Variants in CNTN4 observed in about 807,000 individuals in gnomAD.
The protein encoded by CNTN4 is contactin-4.
Under a neutral mutation model 122.5 loss-of-function variants are expected in CNTN4, and 77 were observed. The ratio of observed to expected loss-of-function variants is 0.63; its 90% CI spans 0.52 to 0.76. The LOEUF is 0.76. Among genes scored for constraint, CNTN4 ranks in the 30% least tolerant of loss-of-function variants. The pLI is 0.00. For synonymous variants in CNTN4, 512 were observed against 447.0 expected, an observed-to-expected ratio of 1.15 and a Z score of -1.83; for missense variants, 1,256 against 1,259.1, an observed-to-expected ratio of 1.00 and a Z score of 0.04.
At chr3:2,840,176 A>G (rs1346195671) in intron 7 of CNTN4, among the ~76,000 whole-genome samples, 1 of 152,240 alleles carries the variant, frequency 6.6e-6, no homozygotes, top group Middle Eastern at 3.4e-3. Flanking sequence ...ATCCGGGGTC[A>G]TTCTTATAAC....
At chr3:2,361,513 A>C (rs1037767916) in intron 3 of CNTN4, among the ~76,000 whole-genome samples, 2 of 152,170 alleles carry the variant, frequency 1.3e-5, no homozygotes, top group African/African-American at 4.8e-5. Context: ...CCTGCTCTGT[A>C]CTATACCCTG....
At chr3:2,329,089 G>A (rs2043599517) in intron 2 of CNTN4, among the ~76,000 whole-genome samples, 1 of 151,872 alleles carries the variant, frequency 6.6e-6, no homozygotes, top group Non-Finnish European at 1.5e-5. Flanking sequence ...TTCACAAATG[G>A]AAAATTAACA....
At chr3:2,730,257 T>G (rs1346172414) in intron 4 of CNTN4, among the ~76,000 whole-genome samples, 1 of 152,200 alleles carries the variant, frequency 6.6e-6, no homozygotes, top group Non-Finnish European at 1.5e-5. Flanking sequence ...TGAAGGTGAT[T>G]TATACAATGT....
intron 3 of CNTN4, among the ~76,000 whole-genome samples, chr3:2,562,033 C>G (rs1254095969): frequency 1.3e-5 from 2 of 152,028 alleles, no homozygotes; most frequent in Non-Finnish European, 2.9e-5. Flanking sequence ...TGTAATAAGA[C>G]TGTAATAACA....
At chr3:2,917,125 C>G (rs1359856735) in intron 12 of CNTN4, among the ~76,000 whole-genome samples, 1 of 138,504 alleles carries the variant, frequency 7.2e-6, no homozygotes, top group Non-Finnish European at 1.6e-5. Flanking sequence ...CACGGCGAAA[C>G]CCCGTCTCCA....
At chr3:3,034,563 A>C in intron 16 of CNTN4, 69 bp from the exon 17 acceptor site, 1 of 1,488,390 alleles carries the variant, frequency 6.7e-7, no homozygotes, top group Non-Finnish European at 9.4e-7. Context: ...GCCCCATTCA[A>C]GTATGTGGCT....
chr3:3,021,074 A>T (rs943346568), intron 14 of CNTN4, among the ~76,000 whole-genome samples: 8 of 152,104 alleles, frequency 5.3e-5, no homozygotes, highest in African/African-American at 1.7e-4. Flanking sequence ...GGTATTATCC[A>T]TGTGAGCTGC....
At chr3:2,575,592 T>C (rs2079626241) in intron 4 of CNTN4, among the ~76,000 whole-genome samples, 1 of 152,170 alleles carries the variant, frequency 6.6e-6, no homozygotes, top group South Asian at 2.1e-4. Context: ...TTGTCAAGAA[T>C]GCTCTTGCCT....
chr3:2,967,956 G>C (rs1692497535), intron 13 of CNTN4, among the ~76,000 whole-genome samples: 1 of 151,752 alleles, frequency 6.6e-6, no homozygotes, highest in Non-Finnish European at 1.5e-5. Flanking sequence ...AGTTAACAGT[G>C]GGGTGGGTCA....
intron 3 of CNTN4, among the ~76,000 whole-genome samples, chr3:2,477,176 G>A (rs1034992040): frequency 5.3e-5 from 8 of 152,226 alleles, no homozygotes; most frequent in African/African-American, 1.7e-4. Flanking sequence ...GGCTTCTAAA[G>A]TAGCTCTTGT....
chr3:2,367,205 G>A (rs550773866), intron 3 of CNTN4, among the ~76,000 whole-genome samples: 65 of 152,032 alleles, frequency 4.3e-4, no homozygotes, highest in African/African-American at 1.5e-3. Flanking sequence ...ATCTACAGAA[G>A]AAAAAAATGC....
intron 6 of CNTN4, among the ~76,000 whole-genome samples, chr3:2,793,301 A>C (rs1289413653): frequency 6.6e-6 from 1 of 152,048 alleles, no homozygotes; most frequent in Non-Finnish European, 1.5e-5. Context: ...AAAGTCTATT[A>C]ATCTTTCTTA....
intron 4 of CNTN4, among the ~76,000 whole-genome samples, chr3:2,661,570 T>C (rs2083895439): frequency 2.0e-5 from 3 of 151,746 alleles, no homozygotes; most frequent in South Asian, 4.1e-4. Context: ...CCCAGCACTT[T>C]GGAAGGCCGA....
chr3:2,364,918 A>C (rs573317506), intron 3 of CNTN4, among the ~76,000 whole-genome samples: 2 of 152,150 alleles, frequency 1.3e-5, no homozygotes, highest in African/African-American at 2.4e-5. Context: ...CCACAAGATA[A>C]TATTAATAAT....
intron 3 of CNTN4, among the ~76,000 whole-genome samples, chr3:2,396,675 A>C (rs2046653477): frequency 8.4e-6 from 1 of 119,726 alleles, no homozygotes; most frequent in Non-Finnish European, 2.1e-5. Flanking sequence ...TTTTTTATTA[A>C]CCTCTCCTAG....
intron 2 of CNTN4, among the ~76,000 whole-genome samples, chr3:2,147,712 T>G (rs963084782): frequency 2.6e-5 from 4 of 152,316 alleles, no homozygotes; most frequent in African/African-American, 9.6e-5. Flanking sequence ...CAGCCTGAAT[T>G]GAGGCCTTTA....
chr3:2,294,734 T>A (rs1035382828), intron 2 of CNTN4, among the ~76,000 whole-genome samples: 54 of 152,296 alleles, frequency 3.5e-4, no homozygotes, highest in African/African-American at 1.3e-3. Flanking sequence ...CGTGCAGGTT[T>A]GTTACCTATG....
chr3:2,798,938 A>G (rs2092279706), intron 6 of CNTN4, among the ~76,000 whole-genome samples: 1 of 152,148 alleles, frequency 6.6e-6, no homozygotes, highest in South Asian at 2.1e-4. Flanking sequence ...ATAGAGTTGT[A>G]CTAATTTACA....
At chr3:2,139,719 T>C (rs1324612463) in intron 2 of CNTN4, among the ~76,000 whole-genome samples, 1 of 152,178 alleles carries the variant, frequency 6.6e-6, no homozygotes, top group Non-Finnish European at 1.5e-5. Context: ...ACCAGCTGGA[T>C]GTTTCCAGAA....
Sources: allele counts gnomAD v4.1 joint callset (sites outside exome capture counted in the v4.1 genomes callset), GRCh38; gene constraint gnomAD v4.1.1; transcripts MANE v1.5; gene names NCBI Gene and HGNC (gene_info 2026-07-23, HGNC 2026-07-21).